The following LRRTM4 variants were observed in gnomAD, a reference collection of about 807,000 sequenced individuals.
The protein encoded by LRRTM4 is leucine rich repeat transmembrane neuronal 4, also known as leucine-rich repeat transmembrane neuronal protein 4.
In LRRTM4, 25 loss-of-function variants were observed where a neutral mutation model predicts 47.6. That is an observed-to-expected ratio of 0.53 (90% CI 0.38 to 0.73). LRRTM4 has a LOEUF of 0.73. LRRTM4 is among the 30% of genes least tolerant of loss of function. The pLI is 0.00. For missense variants in LRRTM4, 638 were observed against 713.4 expected (o/e 0.89, Z 1.20); for synonymous variants, 311 against 269.5 (o/e 1.15, Z -1.51).
chr2:77,233,506 G>A (rs538921781), intron 3 of LRRTM4, among the ~76,000 whole-genome samples: 1 of 151,986 alleles, frequency 6.6e-6, no homozygotes, highest in Admixed American at 6.6e-5. Context: ...TTATTTTGAT[G>A]TTTTTATTTC....
chr2:77,114,794 G>A (rs2103942993), intron 3 of LRRTM4, among the ~76,000 whole-genome samples: 1 of 152,276 alleles, frequency 6.6e-6, no homozygotes, highest in Admixed American at 6.5e-5. Flanking sequence ...TTTTAAAAGG[G>A]GAGGGGGTGT....
chr2:77,163,106 G>A (rs956038127), intron 3 of LRRTM4, among the ~76,000 whole-genome samples: 3 of 152,112 alleles, frequency 2.0e-5, no homozygotes, highest in African/African-American at 7.2e-5. Context: ...TGGCTAACGA[G>A]AATAAACAGC....
intron 3 of LRRTM4, among the ~76,000 whole-genome samples, chr2:77,111,257 A>G (rs1481563625): frequency 6.7e-6 from 1 of 149,212 alleles, no homozygotes; most frequent in Non-Finnish European, 1.5e-5. Flanking sequence ...AGCTGGGACT[A>G]CAGGTGTGTG....
intron 3 of LRRTM4, among the ~76,000 whole-genome samples, chr2:77,221,777 G>A (rs537571209): frequency 5.9e-5 from 9 of 152,192 alleles, no homozygotes; most frequent in East Asian, 5.8e-4. Flanking sequence ...ACACCCCACT[G>A]TCAACATTAG....
chr2:77,437,115 T>C (rs1002707599), intron 3 of LRRTM4, among the ~76,000 whole-genome samples: 3 of 152,046 alleles, frequency 2.0e-5, no homozygotes, highest in Admixed American at 1.3e-4. Context: ...CCATTTTAAT[T>C]AAGATGACCT....
rs530807927 is a variant in LRRTM4, at chr2:77,431,884, G to T, written c.1551+86434C>A. ...AGGTCAAGAGATCGAGACCATCCTG[G>T]CCAACATGGGGAAACCCTGTCTCTA... On this transcript the variant is annotated intron_variant, in intron 3 of 3. Coordinates refer to ENST00000409884, the MANE Select transcript of LRRTM4 (RefSeq NM_001134745.3). 1.8e-4 allele frequency among the ~76,000 whole-genome samples: 25 copies of T among 137,806 alleles called. 1 individual carries two copies. The highest frequency in any genetic ancestry group is 4.1e-4 in the Admixed American group (6 of 14,654). The allele number at this position is 137,806 out of a possible 152,430, so 90.4% of individuals were successfully genotyped here.
At chr2:77,161,718 T>C (rs1672733992) in intron 3 of LRRTM4, among the ~76,000 whole-genome samples, 1 of 152,196 alleles carries the variant, frequency 6.6e-6, no homozygotes, top group Non-Finnish European at 1.5e-5. Flanking sequence ...GTGAAATTTT[T>C]TGCAGTATTT....
At chr2:76,935,917 G>A (rs1187064247) in intron 3 of LRRTM4, among the ~76,000 whole-genome samples, 4 of 152,090 alleles carry the variant, frequency 2.6e-5, no homozygotes, top group Admixed American at 2.6e-4. Context: ...CTTTTCTTGT[G>A]CCAGTTTTCA....
At chr2:77,035,972 A>G (rs1037841187) in intron 3 of LRRTM4, among the ~76,000 whole-genome samples, 1 of 151,836 alleles carries the variant, frequency 6.6e-6, no homozygotes. Flanking sequence ...CTAGAGTGTT[A>G]CAGTGTCTTA....
intron 3 of LRRTM4, among the ~76,000 whole-genome samples, chr2:77,432,475 A>C (rs188619196): frequency 6.6e-6 from 1 of 152,250 alleles, no homozygotes; most frequent in Non-Finnish European, 1.5e-5. Flanking sequence ...TTAAATATAT[A>C]TTGTTTATTA....
chr2:77,443,251 A>G (rs1675917438), intron 3 of LRRTM4, among the ~76,000 whole-genome samples: 1 of 152,130 alleles, frequency 6.6e-6, no homozygotes, highest in Admixed American at 6.6e-5. Context: ...GTGAAAATGA[A>G]CTGGTCAAAT....
chr2:76,843,883 A>G (rs1377293938), intron 3 of LRRTM4, among the ~76,000 whole-genome samples: 2 of 151,478 alleles, frequency 1.3e-5, no homozygotes, highest in East Asian at 3.9e-4. Context: ...GCTTTAAAAC[A>G]TTAATGATAA....
chr2:77,359,443 T>C (rs1672095257), intron 3 of LRRTM4, among the ~76,000 whole-genome samples: 1 of 152,208 alleles, frequency 6.6e-6, no homozygotes, highest in South Asian at 2.1e-4. Context: ...ATATTAACTA[T>C]TGTAGTTAAA....
intron 3 of LRRTM4, among the ~76,000 whole-genome samples, chr2:77,324,458 G>A (rs752275472): frequency 8.1e-4 from 124 of 152,180 alleles, no homozygotes; most frequent in Non-Finnish European, 6.6e-4. Context: ...CAGGAAATAA[G>A]GATCCCCTGA....
chr2:77,313,877 T>G (rs1465184224), intron 3 of LRRTM4, among the ~76,000 whole-genome samples: 1 of 152,218 alleles, frequency 6.6e-6, no homozygotes, highest in African/African-American at 2.4e-5. Context: ...AATCAAATAT[T>G]TTAATGCATT....
At chr2:77,301,879 G>A (rs1349302729) in intron 3 of LRRTM4, among the ~76,000 whole-genome samples, 1 of 151,992 alleles carries the variant, frequency 6.6e-6, no homozygotes, top group Non-Finnish European at 1.5e-5. Flanking sequence ...TAACTTACCA[G>A]TAACAGAGAA....
Position 76,796,151 on chromosome 2 carries a change from G to C in LRRTM4, c.1552-47235C>G, listed in dbSNP as rs1431881121. On this transcript the variant is annotated intron_variant, in intron 3 of 3. Transcript: ENST00000409884. The stretch of plus-strand genomic sequence containing the variant: ...CACCACAAGATTATATCCCGCACAT[G>C]GCTCGCAGGGTCCTACGCCCACAGA... Among the ~76,000 whole-genome samples, 12 of 144,350 alleles carry C rather than the reference G, an allele frequency of 8.3e-5. 1 individual carries two copies. Among genetic ancestry groups the C allele is most frequent in the Non-Finnish European group, 1.5e-4 (10 of 64,750 alleles). The allele number at this position is 144,350 out of a possible 152,430, so 94.7% of individuals were successfully genotyped here. A position where few individuals can be genotyped will look rare whatever the true frequency, so the allele number is the denominator to read the frequency against.
At chr2:77,024,242 G>C (rs1409302620) in intron 3 of LRRTM4, among the ~76,000 whole-genome samples, 5 of 152,132 alleles carry the variant, frequency 3.3e-5, no homozygotes, top group Non-Finnish European at 7.3e-5. Flanking sequence ...TGGGGGCACA[G>C]AGCCAAACCA....
intron 3 of LRRTM4, among the ~76,000 whole-genome samples, chr2:76,891,283 T>C (rs1157505189): frequency 1.3e-5 from 2 of 151,802 alleles, no homozygotes; most frequent in Non-Finnish European, 2.9e-5. Context: ...GCTGACCAAC[T>C]CAATCACCCG....
Sources: allele counts gnomAD v4.1 joint callset (sites outside exome capture counted in the v4.1 genomes callset), GRCh38; gene constraint gnomAD v4.1.1; transcripts MANE v1.5; gene names NCBI Gene and HGNC (gene_info 2026-07-23, HGNC 2026-07-21).